The following GRID1 variants were observed in gnomAD, a reference collection of about 807,000 sequenced individuals.
GRID1 encodes glutamate ionotropic receptor delta type subunit 1.
A neutral mutation model predicts 98.0 loss-of-function variants in GRID1; 28 were observed. That is an observed-to-expected ratio of 0.29 (90% CI 0.21 to 0.39). The LOEUF is 0.39. Ranked by LOEUF, GRID1 falls within the 10% of genes least tolerant of loss-of-function variation. The pLI is 1.00. For missense variants in GRID1, 1,111 were observed against 1,340.5 expected (o/e 0.83, Z 2.67); for synonymous variants, 553 against 538.5 (o/e 1.03, Z -0.37).
At chr10:85,697,220 G>T (rs1331028257) in intron 12 of GRID1, among the ~76,000 whole-genome samples, 2 of 152,090 alleles carry the variant, frequency 1.3e-5, no homozygotes, top group South Asian at 2.1e-4. Context: ...AGAGAATTAA[G>T]TTAAATTTTG....
chr10:86,076,177 GATCT>G (rs1405252312), intron 4 of GRID1, among the ~76,000 whole-genome samples: 8 of 152,166 alleles, frequency 5.3e-5, no homozygotes, highest in South Asian at 2.1e-4. Flanking sequence ...TTTTAATAGT[GATCT>G]ATCTATTTTA....
intron 4 of GRID1, among the ~76,000 whole-genome samples, chr10:85,977,764 C>T (rs554119226): frequency 4.6e-5 from 7 of 152,210 alleles, no homozygotes; most frequent in East Asian, 3.9e-4. Context: ...CCAGTCCTTA[C>T]GTGGCAGTCA....
At chr10:86,270,804 T>A (rs1442420027) in intron 2 of GRID1, among the ~76,000 whole-genome samples, 1 of 152,004 alleles carries the variant, frequency 6.6e-6, no homozygotes, top group African/African-American at 2.4e-5. Flanking sequence ...AATAAAAAAA[T>A]GAGCAAAATA....
At chr10:86,332,165 G>T (rs990649270) in intron 2 of GRID1, among the ~76,000 whole-genome samples, 1 of 152,196 alleles carries the variant, frequency 6.6e-6, no homozygotes, top group East Asian at 1.9e-4. Context: ...CAGAGGGGCC[G>T]TCCCTGGCCT....
intron 3 of GRID1, among the ~76,000 whole-genome samples, chr10:86,193,816 G>A (rs1474422379): frequency 6.6e-6 from 1 of 151,720 alleles, no homozygotes; most frequent in East Asian, 1.9e-4. Context: ...TACACCAAAG[G>A]GACCACCCAG....
At chr10:86,340,298 G>A (rs1200521253) in intron 2 of GRID1, among the ~76,000 whole-genome samples, 2 of 152,196 alleles carry the variant, frequency 1.3e-5, no homozygotes, top group African/African-American at 4.8e-5. Flanking sequence ...CAACTCCAGG[G>A]GAAGCAAAAT....
At chr10:85,829,055 C>T (rs1842844922) in intron 8 of GRID1, among the ~76,000 whole-genome samples, 1 of 152,044 alleles carries the variant, frequency 6.6e-6, no homozygotes, top group South Asian at 2.1e-4. Context: ...TGCAAAAATC[C>T]TCAGCAAAAT....
intron 13 of GRID1, among the ~76,000 whole-genome samples, chr10:85,623,976 G>A (rs1235844064): frequency 1.3e-5 from 2 of 152,176 alleles, no homozygotes; most frequent in Non-Finnish European, 2.9e-5. Context: ...GTGTCCCAGA[G>A]TCCCTTGACC....
At position 85,989,592 on chromosome 10, in the gene GRID1, C is replaced by T. The variant is rs537381912; in HGVS notation, c.727-73353G>A. Among the ~76,000 whole-genome samples the T allele has an allele frequency of 2.6e-5, 4 of 152,326 alleles. No individual in the cohort carries two copies. The South Asian group carries it at 8.3e-4, about 32-fold the overall frequency. On this transcript the variant is annotated intron_variant, in intron 4 of 15. Transcript: ENST00000327946. The stretch of plus-strand genomic sequence containing the variant: ...ACCCTATTGTGAATTAAGCATGCGA[C>T]AGATCTAGGTTGTGCACTCATGAGA...
intron 4 of GRID1, among the ~76,000 whole-genome samples, chr10:86,079,631 A>G (rs1259044559): frequency 6.6e-6 from 1 of 152,156 alleles, no homozygotes; most frequent in African/African-American, 2.4e-5. Flanking sequence ...TCCCAGCACC[A>G]ACCCTGGGTG....
intron 8 of GRID1, among the ~76,000 whole-genome samples, chr10:85,787,264 T>C (rs1265008649): frequency 6.6e-6 from 1 of 152,148 alleles, no homozygotes; most frequent in African/African-American, 2.4e-5. Context: ...CTCCCAGGTA[T>C]CCAGTTGGGC....
chr10:85,866,129 C>T (rs1163588417), intron 6 of GRID1, among the ~76,000 whole-genome samples: 1 of 150,388 alleles, frequency 6.6e-6, no homozygotes, highest in Non-Finnish European at 1.5e-5. Context: ...GCCTAAAATA[C>T]AAAGCCTCTC....
intron 3 of GRID1, among the ~76,000 whole-genome samples, chr10:86,142,016 C>T (rs146104401): frequency 1.1e-4 from 16 of 152,354 alleles, no homozygotes; most frequent in East Asian, 5.8e-4. Context: ...GTAAACTTGA[C>T]GCAAACAGAG....
At chr10:86,266,186 C>A (rs1847099952) in intron 2 of GRID1, among the ~76,000 whole-genome samples, 1 of 152,078 alleles carries the variant, frequency 6.6e-6, no homozygotes, top group South Asian at 2.1e-4. Flanking sequence ...AGTGATCCTC[C>A]CCCTCCTGAT....
chr10:85,618,132 TA>T (rs1401194143), intron 14 of GRID1, among the ~76,000 whole-genome samples: 1 of 152,224 alleles, frequency 6.6e-6, no homozygotes, highest in Non-Finnish European at 1.5e-5. Context: ...GTTCCTGGAC[TA>T]ATGTCTGCTG....
chr10:86,259,421 C>T (rs749363366), intron 2 of GRID1, among the ~76,000 whole-genome samples: 1 of 152,132 alleles, frequency 6.6e-6, no homozygotes, highest in Non-Finnish European at 1.5e-5. Flanking sequence ...GTAAACAATG[C>T]GTACAGAAAG....
At chr10:86,231,566 CA>C (rs2132036184) in intron 2 of GRID1, among the ~76,000 whole-genome samples, 1 of 152,310 alleles carries the variant, frequency 6.6e-6, no homozygotes, top group African/African-American at 2.4e-5. Flanking sequence ...AATGAGACAG[CA>C]AAAGCTTTGG....
intron 4 of GRID1, among the ~76,000 whole-genome samples, chr10:85,943,132 C>A (rs1842015386): frequency 6.6e-6 from 1 of 152,092 alleles, no homozygotes; most frequent in Non-Finnish European, 1.5e-5. Context: ...ACTTGATAAA[C>A]TATTTCTGGC....
At chr10:86,135,999 G>T (rs572803419) in intron 4 of GRID1, among the ~76,000 whole-genome samples, 12 of 152,194 alleles carry the variant, frequency 7.9e-5, no homozygotes, top group Non-Finnish European at 1.6e-4. Context: ...ATGTGTTGGG[G>T]GTGCTGAGGA....
Sources: gnomAD v4.1 joint callset for allele counts (sites outside exome capture counted in the v4.1 genomes callset) on GRCh38, gnomAD v4.1.1 for gene constraint, MANE v1.5 for transcripts, NCBI Gene and HGNC (gene_info 2026-07-23, HGNC 2026-07-21) for gene names.